The following FBXO9 variants were observed in gnomAD, a reference collection of about 807,000 sequenced individuals.
FBXO9 encodes F-box only protein 9.
In FBXO9, 43 loss-of-function variants were observed where a neutral mutation model predicts 63.7. The observed-to-expected ratio is 0.67, with a 90% CI of 0.53 to 0.87. The LOEUF is 0.87. FBXO9 is among the 40% of genes least tolerant of loss of function. FBXO9 has a pLI of 0.00. For synonymous variants in FBXO9, 156 were observed against 171.7 expected (o/e 0.91, Z 0.72); for missense variants, 442 against 533.2 (o/e 0.83, Z 1.68).
In FBXO9 at chr6:53,092,499, A is replaced by G. The variant is rs762126343; in HGVS notation, c.724A>G (p.Thr242Ala). ...GRSCIKLVPY[T>A]SWREMFLERP... is the part of the protein sequence containing the mutation. ...AAGCTGTATTAAACTTGTTCCGTAC[A>G]CGTCCTGGAGAGAGATGTTTTTAGA... Residue 242 changes from threonine (T) to alanine (A), a missense_variant, in exon 8 of 13, where the codon ACG becomes GCG. Thr to Ala is a moderately conservative substitution (Grantham distance 58, BLOSUM62 0). Transcript: ENST00000323557. 11 of 1,613,858 alleles carry G rather than the reference A, an allele frequency of 6.8e-6. No individual in the cohort carries two copies. Among genetic ancestry groups the G allele is most frequent in the Admixed American group, 3.3e-5 (2 of 59,998 alleles).
chr6:53,090,195 G>A (rs1763005179), intron 7 of FBXO9, among the ~76,000 whole-genome samples: 1 of 152,160 alleles, frequency 6.6e-6, no homozygotes, highest in Admixed American at 6.6e-5. Flanking sequence ...TTTTGTATAA[G>A]GTTTAATGGC....
chr6:53,082,435 AC>A, intron 6 of FBXO9, 68 bp from the exon 7 acceptor site: 1 of 984,320 alleles, frequency 1.0e-6, no homozygotes, highest in Non-Finnish European at 1.6e-6. Context: ...GTATAAATGT[AC>A]TGGGAATGTA....
rs1446823721 is a variant in FBXO9 at position 53,099,355 on chromosome 6, T to G, written c.*1525T>G. On this transcript the variant is annotated 3_prime_UTR_variant, in exon 13 of 13. Transcript: ENST00000323557. ...TTGCAGTGAGCCAAGATCGTGCCAT[T>G]CCACTCCAGCCTGAGCAACACAGTG... 1 of 152,220 alleles carries G rather than the reference T, an allele frequency of 6.6e-6. No individual in the cohort carries two copies. Among genetic ancestry groups the G allele is most frequent in the Non-Finnish European group, 1.5e-5 (1 of 68,222 alleles). The allele number at this position is 152,220 out of a possible 1,614,324, so 9.4% of individuals were successfully genotyped here.
At chr6:53,095,772 A>G (rs559151002) in intron 12 of FBXO9, 108 bp downstream of exon 12, 7 of 1,082,298 alleles carry the variant, frequency 6.5e-6, no homozygotes, top group Non-Finnish European at 9.0e-6. Flanking sequence ...ACACTACATT[A>G]CAAACTAAAA....
chr6:53,093,120 G>GA (rs34776364), intron 9 of FBXO9: 1 of 382,142 alleles, frequency 2.6e-6, no homozygotes, highest in South Asian at 8.0e-5. Flanking sequence ...TTGTCATTTA[G>GA]AAAAAAATAG....
intron 1 of FBXO9, 131 bp from the exon 2 acceptor site, chr6:53,070,926 T>C: frequency 1.4e-6 from 2 of 1,443,822 alleles, no homozygotes; most frequent in Non-Finnish European, 1.9e-6. Context: ...ACAGCCTTGC[T>C]ACTCAAAGTG....
At chr6:53,074,509 G>C (rs1053706961) in intron 3 of FBXO9, among the ~76,000 whole-genome samples, 2 of 152,162 alleles carry the variant, frequency 1.3e-5, no homozygotes, top group Non-Finnish European at 2.9e-5. Context: ...ACAAGCACTT[G>C]TCTGTGTGTA....
chr6:53,074,407 G>A (rs920242715), intron 3 of FBXO9, among the ~76,000 whole-genome samples: 7 of 152,112 alleles, frequency 4.6e-5, no homozygotes, highest in Admixed American at 3.9e-4. Context: ...AACCTCCTCC[G>A]ATGGTAACAA....
chr6:53,082,559 G>A lies in FBXO9; in HGVS notation c.594G>A (p.Leu198=). The part of the protein sequence containing the change: ...YIFRWVVSSD[L]DLRSLEQLSL... Reference sequence around the variant, plus strand: ...TCCGATGGGTGGTGTCTAGTGACTTGGACCTCAGATCATTGGAGCAGTTGT... The same window carrying A: ...TCCGATGGGTGGTGTCTAGTGACTTAGACCTCAGATCATTGGAGCAGTTGT... Residue 198 remains leucine, a synonymous_variant, in exon 7 of 13, where the codon TTG becomes TTA. Transcript: ENST00000323557. 6.2e-7 allele frequency: 1 copy of A among 1,613,790 alleles called. No homozygotes were observed.
intron 1 of FBXO9, 160 bp downstream of exon 1, chr6:53,065,952 C>G: frequency 8.7e-7 from 1 of 1,145,844 alleles, no homozygotes; most frequent in Non-Finnish European, 1.1e-6. Context: ...AGGAGTGCGT[C>G]GGGGGGCGGG....
chr6:53,067,500 A>C (rs1226934898), intron 1 of FBXO9, among the ~76,000 whole-genome samples: 1 of 152,188 alleles, frequency 6.6e-6, no homozygotes. Flanking sequence ...GAGTAGAAAT[A>C]GCTAAGTGAG....
intron 7 of FBXO9, chr6:53,091,108 AGGAGCTG>A (rs1368905393): frequency 9.9e-5 from 15 of 152,130 alleles, no homozygotes; most frequent in Admixed American, 9.8e-4. Context: ...GTAAACTCCA[AGGAGCTG>A]GGAGCCACCA....
Position 53,093,985 on chromosome 6 carries a change from A to G in FBXO9, c.1053+7A>G, listed in dbSNP as rs1763128269. ...AACTAAGAAAAAAGAAGAAGTGAGT[A>G]TACGAGGTGTAATTAATAGTTTTCT... On this transcript the variant is annotated splice_region_variant and intron_variant, in intron 11 of 12. Transcript: ENST00000323557. The G allele has an allele frequency of 6.6e-7, 1 of 1,519,414 alleles. No homozygotes were observed. The highest frequency in any genetic ancestry group is 8.9e-7 in the Non-Finnish European group (1 of 1,123,062). 94.1% of individuals were successfully genotyped at this position (1,519,414 alleles called of 1,614,324 possible).
chr6:53,077,310 T>TAA (rs1769148369), intron 4 of FBXO9, among the ~76,000 whole-genome samples: 1 of 151,200 alleles, frequency 6.6e-6, no homozygotes, highest in Non-Finnish European at 1.5e-5. Context: ...CCGTCTCTAC[T>TAA]AAAAATACAA....
chr6:53,089,625 A>G (rs1286302253), intron 7 of FBXO9, among the ~76,000 whole-genome samples: 1 of 152,220 alleles, frequency 6.6e-6, no homozygotes, highest in Non-Finnish European at 1.5e-5. Flanking sequence ...AACCAAGAAT[A>G]CCCAATCTAA....
chr6:53,085,257 A>G (rs568706098), intron 7 of FBXO9, among the ~76,000 whole-genome samples: 5 of 152,314 alleles, frequency 3.3e-5, no homozygotes, highest in South Asian at 2.1e-4. Context: ...CAATGAACCC[A>G]TGAATTTATT....
chr6:53,076,431 T>G, intron 3 of FBXO9, 55 bp from the exon 4 acceptor site: 1 of 1,095,648 alleles, frequency 9.1e-7, no homozygotes, highest in Non-Finnish European at 1.3e-6. Flanking sequence ...CCTTCTGCCA[T>G]CCATACTAAT....
rs1372155745 is a variant in FBXO9, at chr6:53,065,540, C to T, written c.-250C>T. 9.9e-6 allele frequency: 4 copies of T among 403,800 alleles called. No individual in the cohort carries two copies. Among genetic ancestry groups the T allele is most frequent in the Non-Finnish European group, 1.7e-5 (4 of 230,386 alleles). 25.0% of individuals were successfully genotyped at this position (403,800 alleles called of 1,614,324 possible). ...CTGGCAACGGGCGTCCCTCCACTCC[C>T]CGAGTCCCCGGCAGCCGCCGCCACC... On this transcript the variant is annotated 5_prime_UTR_variant, in exon 1 of 13. Transcript: ENST00000323557.
intron 7 of FBXO9, among the ~76,000 whole-genome samples, chr6:53,088,137 A>G (rs193020020): frequency 2.4e-4 from 36 of 152,248 alleles, no homozygotes; most frequent in Non-Finnish European, 4.3e-4. Flanking sequence ...TCTGTCTCCT[A>G]CTTACTGATT....
Sources: gnomAD v4.1 joint callset for allele counts (sites outside exome capture counted in the v4.1 genomes callset) on GRCh38, gnomAD v4.1.1 for gene constraint, MANE v1.5 for transcripts, NCBI Gene and HGNC (gene_info 2026-07-23, HGNC 2026-07-21) for gene names.